SNAPC1: variants seen among roughly 807,000 people sequenced by gnomAD.
The protein encoded by SNAPC1 is snRNA-activating protein complex subunit 1.
In SNAPC1, 42 loss-of-function variants were observed where a neutral mutation model predicts 50.1. The ratio of observed to expected loss-of-function variants is 0.84; its 90% CI spans 0.65 to 1.08. SNAPC1 has a LOEUF of 1.08. Ranked by LOEUF, SNAPC1 falls within the 50% of genes least tolerant of loss-of-function variation. SNAPC1 has a pLI of 0.00. For synonymous variants in SNAPC1, 164 were observed against 144.2 expected, an observed-to-expected ratio of 1.14 and a Z score of -0.98; for missense variants, 477 against 427.3, an observed-to-expected ratio of 1.12 and a Z score of -1.02.
chr14:61,770,507 G>A (rs901647631), intron 4 of SNAPC1, among the ~76,000 whole-genome samples: 1 of 152,092 alleles, frequency 6.6e-6, no homozygotes, highest in Non-Finnish European at 1.5e-5. Context: ...GCCTCCTAAA[G>A]TGGTGAGTTT....
chr14:61,775,991 A>G lies in SNAPC1; in HGVS notation c.535-104A>G, dbSNP rs901791798. 50 of 766,632 alleles carry G rather than the reference A, an allele frequency of 6.5e-5. 2 individuals carry two copies. Among genetic ancestry groups the G allele is most frequent in the South Asian group, 6.1e-4 (32 of 52,598 alleles). The allele number at this position is 766,632 out of a possible 1,614,324, so 47.5% of individuals were successfully genotyped here. ...AATATACTATAGCATGTTATTACCT[A>G]TCAACTGGAAGTCACTTTGGAAGGT... is the stretch of plus-strand genomic sequence containing the variant. On this transcript the variant is annotated intron_variant, in intron 4 of 9. Coordinates refer to ENST00000216294, the MANE Select transcript of SNAPC1 (RefSeq NM_003082.4).
At chr14:61,789,269 T>A (rs189008941) in intron 8 of SNAPC1, among the ~76,000 whole-genome samples, 11 of 151,080 alleles carry the variant, frequency 7.3e-5, no homozygotes, top group Non-Finnish European at 1.3e-4. Flanking sequence ...CTCTGTATTA[T>A]GAAAGTATAT....
chr14:61,765,805 A>G (rs2044943531), intron 1 of SNAPC1, among the ~76,000 whole-genome samples: 1 of 152,198 alleles, frequency 6.6e-6, no homozygotes, highest in Non-Finnish European at 1.5e-5. Flanking sequence ...ATGTTTGGAC[A>G]AAGCTTTTGG....
At chr14:61,777,617 T>A (rs1427419340) in intron 5 of SNAPC1, among the ~76,000 whole-genome samples, 4 of 152,068 alleles carry the variant, frequency 2.6e-5, no homozygotes, top group Non-Finnish European at 4.4e-5. Flanking sequence ...TTTAATTTTT[T>A]TTTTTTTTTT....
intron 8 of SNAPC1, among the ~76,000 whole-genome samples, chr14:61,786,343 G>A (rs7157818): frequency 0.012 from 1,891 of 152,224 alleles, 31 homozygotes; most frequent in African/African-American, 0.043. Flanking sequence ...AAAAGACACT[G>A]TTAAGAAGAT....
chr14:61,786,788 A>G (rs972595469), intron 8 of SNAPC1, among the ~76,000 whole-genome samples: 5 of 152,228 alleles, frequency 3.3e-5, no homozygotes, highest in Admixed American at 6.5e-5. Context: ...CAGAAATACT[A>G]TTCCTTGGTA....
At chr14:61,770,991 C>T (rs1203960180) in intron 4 of SNAPC1, among the ~76,000 whole-genome samples, 1 of 152,184 alleles carries the variant, frequency 6.6e-6, no homozygotes. Context: ...ATCCGCCCGC[C>T]TCAGCCTCCC....
At chr14:61,774,488 A>T (rs1464765815) in intron 4 of SNAPC1, among the ~76,000 whole-genome samples, 1 of 152,078 alleles carries the variant, frequency 6.6e-6, no homozygotes, top group Non-Finnish European at 1.5e-5. Context: ...CAAAAATTAG[A>T]TCTGACTGGT....
chr14:61,765,656 A>G lies in SNAPC1; in HGVS notation c.129-1220A>G, dbSNP rs188069144. Among the ~76,000 whole-genome samples, 318 of 152,298 alleles carry G rather than the reference A, an allele frequency of 2.1e-3. 1 individual carries two copies. The highest frequency in any genetic ancestry group is 7.4e-3 in the African/African-American group (308 of 41,566). On this transcript the variant is annotated intron_variant, in intron 1 of 9. Transcript: ENST00000216294. ...GAGCCGAGAAGTCACTTTGAATAGAATGGGAGAGGTTTGCCCTAAGCAGTT... is the reference window on the plus strand; with the variant it reads ...GAGCCGAGAAGTCACTTTGAATAGAGTGGGAGAGGTTTGCCCTAAGCAGTT...
intron 3 of SNAPC1, 91 bp from the exon 4 acceptor site, chr14:61,768,545 T>C (rs1009093832): frequency 8.7e-6 from 6 of 686,408 alleles, no homozygotes; most frequent in South Asian, 3.8e-5. Context: ...TGTTTACTTA[T>C]AGACAATTTT....
chr14:61,777,376 C>A (rs572798720), intron 5 of SNAPC1, among the ~76,000 whole-genome samples: 1 of 152,144 alleles, frequency 6.6e-6, no homozygotes, highest in East Asian at 1.9e-4. Context: ...TGTTAGTATT[C>A]TTTATGTATA....
At chr14:61,765,099 C>G (rs1320781795) in intron 1 of SNAPC1, among the ~76,000 whole-genome samples, 3 of 152,170 alleles carry the variant, frequency 2.0e-5, no homozygotes, top group Non-Finnish European at 4.4e-5. Context: ...AATTTCAGGT[C>G]TTACATAGAA....
intron 7 of SNAPC1, among the ~76,000 whole-genome samples, chr14:61,779,113 CT>C (rs1054372896): frequency 9.2e-5 from 14 of 152,342 alleles, no homozygotes; most frequent in African/African-American, 3.4e-4. Flanking sequence ...CACTTCTTCT[CT>C]TTTAGCAGTT....
At chr14:61,762,699 C>T (rs2044915082) in intron 1 of SNAPC1, 111 bp downstream of exon 1, 2 of 1,286,730 alleles carry the variant, frequency 1.6e-6, no homozygotes, top group African/African-American at 2.9e-5. Context: ...GCGGCAGTCA[C>T]CGAAGGTTGC....
At chr14:61,794,567 G>A (rs543662990) in intron 9 of SNAPC1, among the ~76,000 whole-genome samples, 13 of 152,082 alleles carry the variant, frequency 8.5e-5, no homozygotes, top group African/African-American at 2.9e-4. Flanking sequence ...CACCACGCCC[G>A]GCTAATTTTT....
chr14:61,778,442 G>T (rs1001822446), intron 6 of SNAPC1, among the ~76,000 whole-genome samples: 2 of 152,202 alleles, frequency 1.3e-5, no homozygotes. Context: ...CTTTCAACCA[G>T]TGTAGAGCCC....
chr14:61,774,535 G>C (rs757890430), intron 4 of SNAPC1, among the ~76,000 whole-genome samples: 4 of 151,404 alleles, frequency 2.6e-5, no homozygotes, highest in Non-Finnish European at 4.4e-5. Flanking sequence ...AATAATGAGA[G>C]TATAGCCAAT....
chr14:61,793,530 A>C (rs2045167290), intron 9 of SNAPC1, among the ~76,000 whole-genome samples: 1 of 151,904 alleles, frequency 6.6e-6, no homozygotes, highest in African/African-American at 2.4e-5. Flanking sequence ...GGCATGAGCC[A>C]CCGTGCCTGG....
chr14:61,795,150 A>C lies in SNAPC1; in HGVS notation c.*167A>C. 1.9e-6 allele frequency: 1 copy of C among 534,028 alleles called. No individual in the cohort carries two copies. Among genetic ancestry groups the C allele is most frequent in the Non-Finnish European group, 3.3e-6 (1 of 302,846 alleles). The allele number at this position is 534,028 out of a possible 1,614,324, so 33.1% of individuals were successfully genotyped here. On this transcript the variant is annotated 3_prime_UTR_variant, in exon 10 of 10. Transcript: ENST00000216294. ...GTAGTTCTAGAATAAAAGTACAAAA[A>C]ATTAGAATAAGAATTCTTTAACATT...
Sources: allele counts gnomAD v4.1 joint callset (sites outside exome capture counted in the v4.1 genomes callset), GRCh38; gene constraint gnomAD v4.1.1; transcripts MANE v1.5; gene names NCBI Gene and HGNC (gene_info 2026-07-23, HGNC 2026-07-21).